Variants in MAGI2 observed in about 807,000 individuals in gnomAD.
MAGI2 encodes the protein membrane-associated guanylate kinase, WW and PDZ domain-containing protein 2.
Under a neutral mutation model 133.3 loss-of-function variants are expected in MAGI2, and 35 were observed. The observed-to-expected ratio is 0.26, with a 90% CI of 0.20 to 0.35. The LOEUF (loss-of-function observed/expected upper bound fraction) is 0.35, where lower values mean the gene tolerates loss of function less well. Among genes scored for constraint, MAGI2 ranks in the 10% least tolerant of loss-of-function variants. The probability of loss-of-function intolerance (pLI) is 1.00; values close to 1 mark genes in which losing one functional copy is unlikely to be tolerated. For synonymous variants in MAGI2, 729 were observed against 710.6 expected (o/e 1.03, Z -0.41); for missense variants, 1,636 against 1,863.4 (o/e 0.88, Z 2.25).
intron 9 of MAGI2, among the ~76,000 whole-genome samples, chr7:78,300,519 T>G (rs921050168): frequency 1.3e-5 from 2 of 152,182 alleles, no homozygotes; most frequent in Non-Finnish European, 2.9e-5. Flanking sequence ...TTAGTGGACA[T>G]CCTTAACAGC....
At chr7:78,461,693 C>T (rs559335580) in intron 6 of MAGI2, among the ~76,000 whole-genome samples, 4 of 151,812 alleles carry the variant, frequency 2.6e-5, no homozygotes, top group African/African-American at 9.7e-5. Context: ...GGGCGGATCA[C>T]CTGAGGTCGG....
chr7:78,667,545 C>G, intron 2 of MAGI2, among the ~76,000 whole-genome samples: 1 of 148,060 alleles, frequency 6.8e-6, no homozygotes, highest in South Asian at 2.2e-4. Flanking sequence ...CCCGCCTCCC[C>G]CCACCCCACA....
At chr7:78,330,876 T>C (rs979677843) in intron 9 of MAGI2, among the ~76,000 whole-genome samples, 1 of 152,156 alleles carries the variant, frequency 6.6e-6, no homozygotes, top group Non-Finnish European at 1.5e-5. Flanking sequence ...TGTTTCCTGA[T>C]GAACCAAAGG....
intron 2 of MAGI2, among the ~76,000 whole-genome samples, chr7:78,998,416 C>G (rs147766538): frequency 4.6e-5 from 7 of 152,170 alleles, no homozygotes; most frequent in African/African-American, 1.2e-4. Context: ...TTTACTCCCC[C>G]CTCCCTCCCC....
intron 1 of MAGI2, among the ~76,000 whole-genome samples, chr7:79,126,997 G>A (rs1005263520): frequency 7.4e-6 from 1 of 135,340 alleles, no homozygotes; most frequent in African/African-American, 2.9e-5. Flanking sequence ...TCCCCTTCCT[G>A]TGTCCATGTG....
At chr7:78,774,543 C>G (rs909529809) in intron 2 of MAGI2, among the ~76,000 whole-genome samples, 1 of 152,142 alleles carries the variant, frequency 6.6e-6, no homozygotes, top group African/African-American at 2.4e-5. Context: ...GCTGTCATCT[C>G]CAGGGCCATG....
chr7:78,991,005 C>T (rs1002209985), intron 2 of MAGI2, among the ~76,000 whole-genome samples: 4 of 149,122 alleles, frequency 2.7e-5, no homozygotes, highest in Admixed American at 6.7e-5. Context: ...CCCCATGTGT[C>T]GAGGGAGGGA....
intron 7 of MAGI2, among the ~76,000 whole-genome samples, chr7:78,367,164 G>T (rs1793467243): frequency 6.8e-6 from 1 of 148,100 alleles, no homozygotes; most frequent in South Asian, 2.1e-4. Flanking sequence ...TTTTCGTTTA[G>T]GGTTACAGCC....
chr7:78,496,677 T>C (rs150026936), intron 5 of MAGI2, among the ~76,000 whole-genome samples: 1 of 152,206 alleles, frequency 6.6e-6, no homozygotes, highest in East Asian at 1.9e-4. Context: ...ACCTTGGGAA[T>C]GTTAATTTGT....
At chr7:78,078,588 A>G (rs987372715) in intron 21 of MAGI2, 9 of 369,982 alleles carry the variant, frequency 2.4e-5, no homozygotes, top group African/African-American at 1.9e-4. Context: ...TTGATAAATT[A>G]CTGTGTACTC....
chr7:78,357,265 G>A (rs1004555958), intron 7 of MAGI2, among the ~76,000 whole-genome samples: 3 of 152,260 alleles, frequency 2.0e-5, no homozygotes, highest in Admixed American at 6.5e-5. Context: ...AGCAGTAATA[G>A]TATCTCCCAT....
chr7:78,297,162 G>T (rs1465409701), intron 9 of MAGI2, among the ~76,000 whole-genome samples: 3 of 152,128 alleles, frequency 2.0e-5, no homozygotes, highest in African/African-American at 7.2e-5. Context: ...TCCTTCCAAA[G>T]AGTACCGAAG....
chr7:78,406,764 C>T (rs1027255525), intron 6 of MAGI2, among the ~76,000 whole-genome samples: 2 of 152,022 alleles, frequency 1.3e-5, no homozygotes, highest in Non-Finnish European at 2.9e-5. Flanking sequence ...CAGCTGTAAA[C>T]TTATTGTAGC....
chr7:78,058,139 A>G (rs1489563989), intron 21 of MAGI2, among the ~76,000 whole-genome samples: 2 of 151,890 alleles, frequency 1.3e-5, no homozygotes, highest in East Asian at 3.9e-4. Flanking sequence ...AACATCAAAC[A>G]ATCTTTCATC....
chr7:79,178,458 TCCCAG>T (rs1585128706), intron 1 of MAGI2, among the ~76,000 whole-genome samples: 1 of 151,952 alleles, frequency 6.6e-6, no homozygotes, highest in Non-Finnish European at 1.5e-5. Flanking sequence ...ACACCTGTAA[TCCCAG>T]CACTTTGGGA....
At chr7:79,127,282 G>C (rs573658680) in intron 1 of MAGI2, among the ~76,000 whole-genome samples, 1 of 152,044 alleles carries the variant, frequency 6.6e-6, no homozygotes, top group Non-Finnish European at 1.5e-5. Flanking sequence ...TGTCTTTATA[G>C]CACATGATTT....
At chr7:79,058,790 C>A (rs1372750963) in intron 1 of MAGI2, among the ~76,000 whole-genome samples, 1 of 151,960 alleles carries the variant, frequency 6.6e-6, no homozygotes, top group Non-Finnish European at 1.5e-5. Context: ...TGCAGTGGAC[C>A]ATTAGGGTCT....
chr7:78,278,063 G>A (rs955862649), intron 9 of MAGI2, among the ~76,000 whole-genome samples: 1 of 152,134 alleles, frequency 6.6e-6, no homozygotes, highest in Non-Finnish European at 1.5e-5. Context: ...CTCCAGAGGG[G>A]AAACAAAAGG....
intron 2 of MAGI2, among the ~76,000 whole-genome samples, chr7:78,725,880 C>A (rs1045921074): frequency 6.6e-6 from 1 of 152,178 alleles, no homozygotes; most frequent in African/African-American, 2.4e-5. Flanking sequence ...CATGACCCAG[C>A]TCTTTTATTA....
Sources: gnomAD v4.1 joint callset for allele counts (sites outside exome capture counted in the v4.1 genomes callset) on GRCh38, gnomAD v4.1.1 for gene constraint, MANE v1.5 for transcripts, NCBI Gene and HGNC (gene_info 2026-07-23, HGNC 2026-07-21) for gene names.